The following TRHDE variants were observed in gnomAD, a reference collection of about 807,000 sequenced individuals.
TRHDE encodes the protein thyrotropin-releasing hormone-degrading ectoenzyme.
Under a neutral mutation model 125.7 loss-of-function variants are expected in TRHDE, and 72 were observed. The ratio of observed to expected loss-of-function variants is 0.57; its 90% confidence interval spans 0.47 to 0.70. The LOEUF (loss-of-function observed/expected upper bound fraction) is 0.70, where lower values mean the gene tolerates loss of function less well. Ranked by LOEUF, TRHDE falls within the 30% of genes least tolerant of loss-of-function variation. TRHDE has a pLI of 0.00. For missense variants in TRHDE, 1,110 were observed against 1,327.1 expected (o/e 0.84, Z 2.54); for synonymous variants, 509 against 509.1 (o/e 1.00, Z 0.00).
intron 2 of TRHDE, among the ~76,000 whole-genome samples, chr12:72,169,058 A>G (rs1419477911): frequency 6.6e-6 from 1 of 151,878 alleles, no homozygotes; most frequent in Non-Finnish European, 1.5e-5. Flanking sequence ...TTCCTCATCT[A>G]TTTGGGGATT....
chr12:72,491,573 T>G (rs1202725075), intron 5 of TRHDE, among the ~76,000 whole-genome samples: 1 of 151,862 alleles, frequency 6.6e-6, no homozygotes, highest in African/African-American at 2.4e-5. Flanking sequence ...GCATTCAGCT[T>G]GGATGTTAAA....
At chr12:72,400,168 C>T (rs1471088588) in intron 3 of TRHDE, among the ~76,000 whole-genome samples, 1 of 151,960 alleles carries the variant, frequency 6.6e-6, no homozygotes, top group East Asian at 1.9e-4. Flanking sequence ...TCTGATTAGG[C>T]AAGGGTATCT....
At chr12:72,446,689 A>G (rs1347009423) in intron 3 of TRHDE, among the ~76,000 whole-genome samples, 2 of 152,036 alleles carry the variant, frequency 1.3e-5, no homozygotes, top group Non-Finnish European at 2.9e-5. Context: ...GGAAAACAAC[A>G]ACAAAAACAG....
chr12:72,275,648 C>A (rs1290671414), intron 1 of TRHDE, among the ~76,000 whole-genome samples: 1 of 152,148 alleles, frequency 6.6e-6, no homozygotes, highest in Non-Finnish European at 1.5e-5. Context: ...TTGAAAAATC[C>A]TGTTTTTTGA....
At chr12:72,556,572 T>G (rs964481447) in intron 7 of TRHDE, among the ~76,000 whole-genome samples, 2 of 152,214 alleles carry the variant, frequency 1.3e-5, no homozygotes, top group African/African-American at 4.8e-5. Context: ...CCAGAGCACA[T>G]GCCCAGGCTT....
intron 2 of TRHDE, among the ~76,000 whole-genome samples, chr12:72,315,370 T>C (rs1164069361): frequency 6.6e-6 from 1 of 152,176 alleles, no homozygotes; most frequent in Non-Finnish European, 1.5e-5. Context: ...CAATATTTTA[T>C]GGAACAAGTA....
At chr12:72,640,626 A>G (rs927592030) in intron 15 of TRHDE, among the ~76,000 whole-genome samples, 2 of 151,650 alleles carry the variant, frequency 1.3e-5, no homozygotes, top group African/African-American at 4.9e-5. Flanking sequence ...TGGAGCTCTG[A>G]GTTCGATCTA....
intron 2 of TRHDE, among the ~76,000 whole-genome samples, chr12:72,333,655 C>T (rs1592551112): frequency 6.6e-6 from 1 of 152,186 alleles, no homozygotes; most frequent in Non-Finnish European, 1.5e-5. Flanking sequence ...TAAATCTTGT[C>T]TAATCCTCTT....
intron 6 of TRHDE, among the ~76,000 whole-genome samples, chr12:72,506,148 C>T (rs904437413): frequency 2.0e-4 from 30 of 152,076 alleles, no homozygotes; most frequent in African/African-American, 7.2e-4. Context: ...AACATTCAAA[C>T]ATTTTTTTTT....
In TRHDE at chr12:72,655,336, A is replaced by G. The variant is rs180742650; in HGVS notation, c.2985-1591A>G. 2.2e-4 allele frequency among the ~76,000 whole-genome samples: 33 copies of G among 152,246 alleles called. No homozygotes were observed. The East Asian group carries it at 6.0e-3, about 28-fold the overall frequency. On this transcript the variant is annotated intron_variant, in intron 17 of 18. Coordinates refer to ENST00000261180, the MANE Select transcript of TRHDE (RefSeq NM_013381.3). ...AATCCACCTGCCTTAGCTTCCCAAAAGTGCTGGGATCACAGGCGTGAGCCA... is the reference window on the plus strand; with the variant it reads ...AATCCACCTGCCTTAGCTTCCCAAAGGTGCTGGGATCACAGGCGTGAGCCA...
intron 6 of TRHDE, among the ~76,000 whole-genome samples, chr12:72,524,331 C>T (rs147079675): frequency 3.2e-4 from 48 of 152,176 alleles, no homozygotes; most frequent in African/African-American, 1.1e-3. Flanking sequence ...TCTTAGCTTC[C>T]AGAAAATCGT....
At chr12:72,307,451 T>G (rs1868361836) in intron 2 of TRHDE, among the ~76,000 whole-genome samples, 1 of 151,782 alleles carries the variant, frequency 6.6e-6, no homozygotes, top group South Asian at 2.1e-4. Flanking sequence ...ATTAAAGGCA[T>G]GAGCCACCAC....
chr12:72,440,671 A>G (rs961079124), intron 3 of TRHDE, among the ~76,000 whole-genome samples: 1 of 151,934 alleles, frequency 6.6e-6, no homozygotes, highest in Non-Finnish European at 1.5e-5. Flanking sequence ...TTAAACAGTG[A>G]CAGTAAGTGG....
At chr12:72,607,767 T>A (rs1872507464) in intron 12 of TRHDE, among the ~76,000 whole-genome samples, 1 of 152,168 alleles carries the variant, frequency 6.6e-6, no homozygotes, top group Admixed American at 6.5e-5. Flanking sequence ...AGAGCACAGA[T>A]TAAATGTGTT....
At chr12:72,467,829 A>G (rs1388725429) in intron 3 of TRHDE, among the ~76,000 whole-genome samples, 1 of 152,200 alleles carries the variant, frequency 6.6e-6, no homozygotes, top group East Asian at 1.9e-4. Flanking sequence ...AAACAAAAAC[A>G]ACAACAAATA....
intron 3 of TRHDE, among the ~76,000 whole-genome samples, chr12:72,403,324 C>T (rs181181884): frequency 6.6e-6 from 1 of 152,138 alleles, no homozygotes; most frequent in South Asian, 2.1e-4. Context: ...CATTCAGGGC[C>T]TTTGTATTTA....
chr12:72,239,932 A>C (rs111822510), intron 2 of TRHDE, among the ~76,000 whole-genome samples: 19 of 152,310 alleles, frequency 1.2e-4, no homozygotes, highest in African/African-American at 4.6e-4. Flanking sequence ...CTAGAATTTT[A>C]ATAGTGCTTC....
chr12:72,483,722 G>A (rs1877278958), intron 5 of TRHDE, among the ~76,000 whole-genome samples: 3 of 151,730 alleles, frequency 2.0e-5, no homozygotes, highest in Admixed American at 1.3e-4. Context: ...GGAGTTGTTT[G>A]CTCTGGGTTA....
chr12:72,415,714 T>C (rs1000664161), intron 3 of TRHDE, among the ~76,000 whole-genome samples: 2 of 152,048 alleles, frequency 1.3e-5, no homozygotes, highest in Non-Finnish European at 2.9e-5. Flanking sequence ...TTGCAGATGA[T>C]AGGATTTGTT....
Sources: gnomAD v4.1 joint callset for allele counts (sites outside exome capture counted in the v4.1 genomes callset) on GRCh38, gnomAD v4.1.1 for gene constraint, MANE v1.5 for transcripts, NCBI Gene and HGNC (gene_info 2026-07-23, HGNC 2026-07-21) for gene names.